The following NDST3 variants were observed in gnomAD, a reference collection of about 807,000 sequenced individuals.
The protein encoded by NDST3 is N-deacetylase and N-sulfotransferase 3, also known as bifunctional heparan sulfate N-deacetylase/N-sulfotransferase 3.
In NDST3, 58 loss-of-function variants were observed where a neutral mutation model predicts 96.1. The observed-to-expected ratio is 0.60, with a 90% CI of 0.49 to 0.75. The LOEUF (loss-of-function observed/expected upper bound fraction) is 0.75, where lower values mean the gene tolerates loss of function less well. Ranked by LOEUF, NDST3 falls within the 30% of genes least tolerant of loss-of-function variation. The probability of loss-of-function intolerance (pLI) is 0.00; values close to 1 mark genes in which losing one functional copy is unlikely to be tolerated. For synonymous variants in NDST3, 333 were observed against 359.7 expected, an observed-to-expected ratio of 0.93 and a Z score of 0.84; for missense variants, 788 against 1,034.2, an observed-to-expected ratio of 0.76 and a Z score of 3.27.
chr4:118,063,084 G>A (rs929559424), intron 2 of NDST3, among the ~76,000 whole-genome samples: 5 of 151,720 alleles, frequency 3.3e-5, no homozygotes, highest in East Asian at 1.9e-4. Flanking sequence ...CAGCTACTCC[G>A]GAGGCTGAGG....
intron 6 of NDST3, chr4:118,194,439 T>G: frequency 1.4e-6 from 1 of 734,708 alleles, no homozygotes; most frequent in Non-Finnish European, 2.6e-6. Context: ...GGTTTGCAGG[T>G]GATATGGCAC....
intron 2 of NDST3, among the ~76,000 whole-genome samples, chr4:118,103,764 C>G (rs1453797994): frequency 6.6e-6 from 1 of 152,154 alleles, no homozygotes; most frequent in East Asian, 1.9e-4. Context: ...TCTTCTATTT[C>G]TGAGTGTCAT....
chr4:118,114,741 A>C (rs1255908973), intron 3 of NDST3, 65 bp from the exon 4 acceptor site: 2 of 1,493,756 alleles, frequency 1.3e-6, no homozygotes, highest in African/African-American at 1.4e-5. Context: ...TAAATAGATA[A>C]GTAGATTGAT....
At chr4:118,229,242 A>G (rs1740112135) in intron 8 of NDST3, among the ~76,000 whole-genome samples, 1 of 152,256 alleles carries the variant, frequency 6.6e-6, no homozygotes, top group East Asian at 1.9e-4. Flanking sequence ...CAGATGTTGC[A>G]GTAAGCCAAG....
intron 4 of NDST3, among the ~76,000 whole-genome samples, chr4:118,127,801 T>C (rs1321595537): frequency 6.6e-6 from 1 of 152,142 alleles, no homozygotes; most frequent in Non-Finnish European, 1.5e-5. Context: ...ATTTTAACAA[T>C]ATTGATTCTT....
chr4:118,121,361 ACAT>A (rs1330825475), intron 4 of NDST3, among the ~76,000 whole-genome samples: 1 of 152,196 alleles, frequency 6.6e-6, no homozygotes, highest in Non-Finnish European at 1.5e-5. Flanking sequence ...CTAAATTGAA[ACAT>A]CATATCTAAT....
chr4:118,073,702 T>C (rs1484757598), intron 2 of NDST3, among the ~76,000 whole-genome samples: 1 of 152,066 alleles, frequency 6.6e-6, no homozygotes, highest in Non-Finnish European at 1.5e-5. Context: ...ACATGCTTTT[T>C]TATGTCTCAA....
intron 3 of NDST3, among the ~76,000 whole-genome samples, chr4:118,108,848 A>T (rs543773128): frequency 1.2e-4 from 19 of 152,312 alleles, no homozygotes; most frequent in South Asian, 1.2e-3. Flanking sequence ...TCTTAGATCA[A>T]TATATAAAAT....
At chr4:118,197,175 T>C (rs1031268192) in intron 6 of NDST3, among the ~76,000 whole-genome samples, 2 of 152,190 alleles carry the variant, frequency 1.3e-5, no homozygotes, top group African/African-American at 4.8e-5. Flanking sequence ...TATTGATTTC[T>C]AGTTTTATTC....
chr4:118,162,810 G>A (rs1267762839), intron 6 of NDST3, among the ~76,000 whole-genome samples: 7 of 148,996 alleles, frequency 4.7e-5, no homozygotes, highest in African/African-American at 7.4e-5. Context: ...AGCGTGAACA[G>A]GCAACCTACA....
At chr4:118,061,980 T>C (rs1725932276) in intron 2 of NDST3, among the ~76,000 whole-genome samples, 1 of 152,116 alleles carries the variant, frequency 6.6e-6, no homozygotes, top group Admixed American at 6.6e-5. Context: ...AACAGCTGGA[T>C]TGGTTACAGG....
intron 6 of NDST3, among the ~76,000 whole-genome samples, chr4:118,148,756 A>G (rs954611269): frequency 1.3e-5 from 2 of 152,202 alleles, no homozygotes; most frequent in Non-Finnish European, 2.9e-5. Flanking sequence ...AGGAAATAAT[A>G]CATTGACCTA....
intron 2 of NDST3, among the ~76,000 whole-genome samples, chr4:118,064,142 CAATT>C (rs1222076906): frequency 6.6e-6 from 1 of 152,112 alleles, no homozygotes; most frequent in East Asian, 1.9e-4. Context: ...GGCGCTCAAT[CAATT>C]AAAGAACCAA....
At position 118,227,090 on chromosome 4, in the gene NDST3, A is replaced by G. The variant is rs1223668170; in HGVS notation, c.1819+108A>G. On this transcript the variant is annotated intron_variant, in intron 8 of 13. Coordinates refer to ENST00000296499, the MANE Select transcript of NDST3 (RefSeq NM_004784.3). ...ACTTCCCATAACTGCTAATGAATGA[A>G]TAACATGTTTTTCTCTGACATAATT... 16 of 724,174 alleles carry G rather than the reference A, an allele frequency of 2.2e-5. No homozygotes were observed. The East Asian group carries it at 4.0e-4, about 18-fold the overall frequency. 44.9% of individuals were successfully genotyped at this position (724,174 alleles called of 1,614,324 possible). A position where few individuals can be genotyped will look rare whatever the true frequency, so the allele number is the denominator to read the frequency against.
Position 118,115,740 on chromosome 4 carries a change from C to T in NDST3, c.1224+780C>T, listed in dbSNP as rs532506425. The stretch of plus-strand genomic sequence containing the variant: ...TACACTTACATGGAATGGTTTTCTA[C>T]ACCAACTGTTAGAACTAAGAAGTTT... On this transcript the variant is annotated intron_variant, in intron 4 of 13. Transcript: ENST00000296499. Among the ~76,000 whole-genome samples the T allele has an allele frequency of 5.9e-5, 9 of 152,160 alleles. No homozygotes were observed. In the South Asian group the frequency reaches 1.5e-3, roughly 25 times the overall value.
chr4:118,064,563 C>G (rs146488347), intron 2 of NDST3, among the ~76,000 whole-genome samples: 44 of 151,796 alleles, frequency 2.9e-4, no homozygotes, highest in African/African-American at 1.1e-3. Flanking sequence ...TAAAATTTAC[C>G]TATAAAATAC....
Position 118,054,686 on chromosome 4 carries a change from A to T in NDST3, c.776A>T (p.His259Leu), listed in dbSNP as rs1486471777. ...GGTGCTTTTTATGCCACTATTATAC[A>T]TGACCTGGGGCTTCATGATGGAATT... ...SKGAFYATII[H>L]DLGLHDGIQR... The change falls in exon 2 of 14, where the codon CAT becomes CTT. Residue 259 changes from histidine (H) to leucine (L), a missense_variant. Transcript: ENST00000296499. 5.0e-6 allele frequency: 8 copies of T among 1,613,254 alleles called. No homozygotes were observed. In the African/African-American group the frequency reaches 9.3e-5, roughly 19 times the overall value.
chr4:118,240,580 C>T lies in NDST3; in HGVS notation c.2175C>T (p.Ile725=). ...TGAAGTTTAGCTTCTACGAAGTGAT[C>T]TCAGCAGGGCCCCGTGCACCCTCGG... ...AALKFSFYEV[I]SAGPRAPSEL... Residue 725 remains isoleucine (I), a synonymous_variant, in exon 11 of 14, where the codon ATC becomes ATT. Transcript: ENST00000296499. 6.2e-7 allele frequency: 1 copy of T among 1,613,794 alleles called. No homozygotes were observed. Among genetic ancestry groups the T allele is most frequent in the Non-Finnish European group, 8.5e-7 (1 of 1,179,832 alleles).
chr4:118,215,235 G>T (rs1739116936), intron 6 of NDST3, among the ~76,000 whole-genome samples: 1 of 152,046 alleles, frequency 6.6e-6, no homozygotes, highest in Non-Finnish European at 1.5e-5. Flanking sequence ...CTATCTAAAG[G>T]TAATGTGGAG....
Sources: allele counts gnomAD v4.1 joint callset (sites outside exome capture counted in the v4.1 genomes callset), GRCh38; gene constraint gnomAD v4.1.1; transcripts MANE v1.5; gene names NCBI Gene and HGNC (gene_info 2026-07-23, HGNC 2026-07-21).